Variants in PAK6 observed in about 807,000 individuals in gnomAD.
The protein encoded by PAK6 is serine/threonine-protein kinase PAK 6.
In PAK6, 33 loss-of-function variants were observed where a neutral mutation model predicts 60.8. The observed-to-expected ratio is 0.54, with a 90% CI of 0.41 to 0.73. The LOEUF (loss-of-function observed/expected upper bound fraction) is 0.73, where lower values mean the gene tolerates loss of function less well. PAK6 is among the 30% of genes least tolerant of loss of function. The pLI is 0.00. For synonymous variants in PAK6, 404 were observed against 378.5 expected, an observed-to-expected ratio of 1.07 and a Z score of -0.78; for missense variants, 845 against 904.1, an observed-to-expected ratio of 0.93 and a Z score of 0.84.
In PAK6 at chr15:40,241,995, A is replaced by G. The variant is rs142994029; in HGVS notation, c.-118+1314A>G. Among the ~76,000 whole-genome samples the G allele has an allele frequency of 7.1e-3, 1,080 of 152,210 alleles. 10 individuals are homozygous for G. Among genetic ancestry groups the G allele is most frequent in the African/African-American group, 0.024 (1,017 of 41,566 alleles). ...GTGACTCTGTGCCTAGGAGTCTTCC[A>G]TGCATGCAGAGCTGAGCAGGGGCTG... On this transcript the variant is annotated intron_variant, in intron 2 of 10. Transcript: ENST00000560346.
chr15:40,272,969 G>A (rs754905439), exon 7 of PAK6: 23 of 1,613,840 alleles, frequency 1.4e-5, no homozygotes, highest in Middle Eastern at 1.6e-4. Context: ...CTGCAGGGAG[G>A]AGCCCTCACA....
At position 40,274,619 on chromosome 15, in the gene PAK6, G is replaced by A. The variant is rs1003267146; in HGVS notation, c.1878+343G>A. On this transcript the variant is annotated intron_variant, in intron 10 of 10. Coordinates refer to ENST00000560346, the Ensembl canonical transcript of PAK6. ...ATCCCTGCTGTCCAGGGAGGGATCC[G>A]GAGAAGCTTCACTGAGCACAAACCC... 8.5e-5 allele frequency among the ~76,000 whole-genome samples: 13 copies of A among 152,316 alleles called. No individual in the cohort carries two copies. In the East Asian group the frequency reaches 1.5e-3, roughly 18 times the overall value.
chr15:40,275,819 TAAAAAACCAGCGAATTC>T (rs2039440414), intron 10 of PAK6, 91 bp from the exon 11 acceptor site: 2 of 1,104,788 alleles, frequency 1.8e-6, no homozygotes, highest in Non-Finnish European at 2.6e-6. Flanking sequence ...AACAGGAAGT[TAAAAAACCAGCGAATTC>T]ATGACTTTCA....
chr15:40,252,378 G>C, intron 2 of PAK6: 2 of 1,321,800 alleles, frequency 1.5e-6, no homozygotes, highest in Non-Finnish European at 2.0e-6. Flanking sequence ...CCAGGGCCCG[G>C]AGGCGAAGGG....
intron 2 of PAK6, among the ~76,000 whole-genome samples, chr15:40,241,303 C>T (rs866358199): frequency 3.3e-5 from 5 of 152,182 alleles, no homozygotes; most frequent in Admixed American, 2.0e-4. Flanking sequence ...TCCAGTTATC[C>T]TTTCCCTGGC....
At chr15:40,270,191 C>T (rs1304283395) in intron 5 of PAK6, among the ~76,000 whole-genome samples, 1 of 152,174 alleles carries the variant, frequency 6.6e-6, no homozygotes. Flanking sequence ...CTCCCTGTCC[C>T]TGCCTGGTGA....
chr15:40,247,538 A>G (rs538318988), intron 2 of PAK6, among the ~76,000 whole-genome samples: 120 of 152,126 alleles, frequency 7.9e-4, no homozygotes, highest in African/African-American at 2.6e-3. Context: ...TTTAGCCCCC[A>G]GTGTCAGCTT....
intron 3 of PAK6, chr15:40,257,038 G>T (rs751306588): frequency 2.0e-5 from 3 of 152,214 alleles, no homozygotes; most frequent in Non-Finnish European, 4.4e-5. Flanking sequence ...CAAGCCCAAG[G>T]TCCACGCTGA....
intron 2 of PAK6, chr15:40,252,796 G>A (rs905740570): frequency 7.7e-7 from 1 of 1,298,996 alleles, no homozygotes; most frequent in African/African-American, 1.5e-5. Flanking sequence ...GGACCAGCCG[G>A]CGCCAGGCGA....
intron 2 of PAK6, chr15:40,244,903 A>G (rs1454649373): frequency 6.6e-6 from 1 of 152,260 alleles, no homozygotes; most frequent in Non-Finnish European, 1.5e-5. Context: ...TCTGCTGGCC[A>G]GCATTTCCTA....
intron 3 of PAK6, chr15:40,263,975 T>G (rs2140976975): frequency 2.2e-6 from 1 of 455,908 alleles, no homozygotes; most frequent in African/African-American, 2.0e-5. Flanking sequence ...GGGGAGGTGG[T>G]GCTCTCTGCC....
chr15:40,262,489 G>A (rs1337000360), intron 3 of PAK6, among the ~76,000 whole-genome samples: 1 of 151,602 alleles, frequency 6.6e-6, no homozygotes, highest in African/African-American at 2.4e-5. Flanking sequence ...GGGCGACAGG[G>A]CGGCAAGACT....
At chr15:40,274,257 A>G in exon 10 of PAK6, 2 of 1,609,150 alleles carry the variant, frequency 1.2e-6, no homozygotes, top group Non-Finnish European at 1.7e-6. Flanking sequence ...CCCCCACCCA[A>G]GCTGAAAAAC....
At chr15:40,276,354 G>A (rs2039454557) in exon 11 of PAK6, 1 of 490,676 alleles carries the variant, frequency 2.0e-6, no homozygotes, top group Non-Finnish European at 3.6e-6. Context: ...ATATTTCTAA[G>A]AAACGCAGAG....
At chr15:40,270,896 G>A (rs767885404) in intron 5 of PAK6, among the ~76,000 whole-genome samples, 2 of 152,194 alleles carry the variant, frequency 1.3e-5, no homozygotes, top group African/African-American at 2.4e-5. Context: ...AGCTGCGGGG[G>A]GTCGGGGAAG....
intron 2 of PAK6, among the ~76,000 whole-genome samples, chr15:40,242,285 C>G (rs2038376373): frequency 6.6e-6 from 1 of 152,230 alleles, no homozygotes; most frequent in Non-Finnish European, 1.5e-5. Flanking sequence ...AGATTGAATT[C>G]CTCACCCAAA....
intron 2 of PAK6, chr15:40,252,129 A>T (rs554440976): frequency 6.7e-6 from 3 of 447,020 alleles, no homozygotes; most frequent in South Asian, 6.2e-5. Flanking sequence ...CATGGGACAG[A>T]TCATCCAAGG....
exon 2 of PAK6, chr15:40,240,649 G>A (rs546651741): frequency 4.6e-6 from 2 of 436,240 alleles, no homozygotes; most frequent in African/African-American, 2.2e-5. Flanking sequence ...AGTGGAGAAC[G>A]CAGGACCCCG....
chr15:40,254,068 A>G (rs910492504), intron 3 of PAK6, among the ~76,000 whole-genome samples: 4 of 152,194 alleles, frequency 2.6e-5, no homozygotes, highest in East Asian at 1.9e-4. Flanking sequence ...TCCATAGTAT[A>G]TAGGACAGTG....
Sources: allele counts gnomAD v4.1 joint callset (sites outside exome capture counted in the v4.1 genomes callset), GRCh38; gene constraint gnomAD v4.1.1; transcripts MANE v1.5; gene names NCBI Gene and HGNC (gene_info 2026-07-23, HGNC 2026-07-21).